Variants in PLCB1 observed in about 807,000 individuals in gnomAD.
PLCB1 encodes 1-phosphatidylinositol 4,5-bisphosphate phosphodiesterase beta-1.
PLCB1 carries 46 observed loss-of-function variants against 161.8 expected under a neutral mutation model. The observed-to-expected ratio is 0.28, with a 90% confidence interval of 0.22 to 0.36. PLCB1 has a LOEUF of 0.36. Among genes scored for constraint, PLCB1 ranks in the 10% least tolerant of loss-of-function variants. PLCB1 has a pLI of 1.00. For missense variants in PLCB1, 1,016 were observed against 1,472.5 expected, an observed-to-expected ratio of 0.69 and a Z score of 5.07; for synonymous variants, 517 against 503.7, an observed-to-expected ratio of 1.03 and a Z score of -0.35.
At chr20:8,541,203 G>A (rs1985300707) in intron 3 of PLCB1, among the ~76,000 whole-genome samples, 1 of 152,158 alleles carries the variant, frequency 6.6e-6, no homozygotes. Context: ...ACCTGGGTTG[G>A]TATTTGGGTT....
chr20:8,301,589 A>C (rs998905823), intron 2 of PLCB1, among the ~76,000 whole-genome samples: 1 of 152,050 alleles, frequency 6.6e-6, no homozygotes, highest in Non-Finnish European at 1.5e-5. Context: ...CACTAGACAC[A>C]TGCAACTCCT....
At chr20:8,626,388 A>G (rs938781802) in intron 3 of PLCB1, among the ~76,000 whole-genome samples, 3 of 152,070 alleles carry the variant, frequency 2.0e-5, no homozygotes, top group Non-Finnish European at 4.4e-5. Context: ...ATTCAAGAGA[A>G]TCCCTGACCC....
At chr20:8,341,955 C>G (rs2122226258) in intron 2 of PLCB1, among the ~76,000 whole-genome samples, 1 of 151,960 alleles carries the variant, frequency 6.6e-6, no homozygotes, top group East Asian at 1.9e-4. Flanking sequence ...TCAGACCCAT[C>G]TATTTTGATG....
intron 2 of PLCB1, among the ~76,000 whole-genome samples, chr20:8,260,765 TTCATG>T (rs1568608861): frequency 6.6e-6 from 1 of 152,102 alleles, no homozygotes; most frequent in Admixed American, 6.6e-5. Flanking sequence ...AGCAGTGTTG[TTCATG>T]TCATCTATAA....
chr20:8,763,676 A>G (rs1340161722), intron 25 of PLCB1, among the ~76,000 whole-genome samples: 1 of 151,848 alleles, frequency 6.6e-6, no homozygotes, highest in Admixed American at 6.6e-5. Context: ...ATGCGCCACC[A>G]CACCTGGCCT....
At chr20:8,470,232 A>G (rs531089615) in intron 3 of PLCB1, among the ~76,000 whole-genome samples, 2 of 152,286 alleles carry the variant, frequency 1.3e-5, no homozygotes, top group South Asian at 4.1e-4. Flanking sequence ...GAACACATTT[A>G]TGTACAAGCT....
intron 10 of PLCB1, among the ~76,000 whole-genome samples, chr20:8,690,221 T>C (rs6056019): frequency 0.66 from 98,307 of 149,764 alleles, 33,360 homozygotes; most frequent in South Asian, 0.78. Context: ...TAGATAAATC[T>C]GTAACCACTC....
At chr20:8,257,794 G>A (rs899185007) in intron 2 of PLCB1, among the ~76,000 whole-genome samples, 4 of 152,046 alleles carry the variant, frequency 2.6e-5, no homozygotes, top group Non-Finnish European at 5.9e-5. Context: ...GTTACATGCT[G>A]TATGCCTCTG....
At chr20:8,477,272 G>T (rs911118248) in intron 3 of PLCB1, among the ~76,000 whole-genome samples, 1 of 152,220 alleles carries the variant, frequency 6.6e-6, no homozygotes, top group Non-Finnish European at 1.5e-5. Context: ...GGGAGGCAAA[G>T]CTGTAGAGTT....
chr20:8,460,959 G>T (rs993315771), intron 3 of PLCB1, among the ~76,000 whole-genome samples: 1 of 152,176 alleles, frequency 6.6e-6, no homozygotes, highest in African/African-American at 2.4e-5. Flanking sequence ...TGATGGAAAT[G>T]CTTCATATCT....
chr20:8,743,723 A>T (rs1475583155), intron 23 of PLCB1, among the ~76,000 whole-genome samples: 2 of 152,188 alleles, frequency 1.3e-5, no homozygotes, highest in East Asian at 3.8e-4. Context: ...CCCTATCTGA[A>T]TTAATTCTTA....
chr20:8,489,917 C>T (rs1182502154), intron 3 of PLCB1, among the ~76,000 whole-genome samples: 1 of 152,092 alleles, frequency 6.6e-6, no homozygotes, highest in Non-Finnish European at 1.5e-5. Context: ...CTGGGTTAGA[C>T]CTTTGATTTA....
At chr20:8,196,769 T>C (rs2052028994) in intron 2 of PLCB1, among the ~76,000 whole-genome samples, 1 of 152,016 alleles carries the variant, frequency 6.6e-6, no homozygotes, top group Non-Finnish European at 1.5e-5. Flanking sequence ...GCTGCACCCA[T>C]TAACTTTTCA....
rs1244838420 is a variant in PLCB1, at chr20:8,883,933, CTG to C, written c.*2086_*2087del. 6.6e-6 allele frequency: 1 copy of C among 152,406 alleles called. No homozygotes were observed. The highest frequency in any genetic ancestry group is 1.5e-5 in the Non-Finnish European group (1 of 67,960). 9.4% of individuals were successfully genotyped at this position (152,406 alleles called of 1,614,324 possible). On this transcript the variant is annotated 3_prime_UTR_variant, in exon 32 of 32. Transcript: ENST00000338037. ...GCATTTTTATAAACAAAATTACAGA[CTG>C]TCTGAAATTGAAGAAGAATGAACTA...
intron 12 of PLCB1, among the ~76,000 whole-genome samples, chr20:8,710,944 A>G (rs1978976372): frequency 6.6e-6 from 1 of 152,164 alleles, no homozygotes; most frequent in Admixed American, 6.5e-5. Flanking sequence ...ATAATAGCTA[A>G]CCTTTATTAA....
chr20:8,719,877 ACT>A, intron 14 of PLCB1, among the ~76,000 whole-genome samples: 1 of 151,916 alleles, frequency 6.6e-6, no homozygotes, highest in South Asian at 2.1e-4. Context: ...GTAGCCTGAG[ACT>A]CTGATTTATC....
At chr20:8,649,636 G>C (rs1989256807) in intron 7 of PLCB1, 187 bp downstream of exon 7, 1 of 570,468 alleles carries the variant, frequency 1.8e-6, no homozygotes, top group East Asian at 2.8e-5. Context: ...TATAAGAAGA[G>C]AAAAACAGAC....
intron 2 of PLCB1, among the ~76,000 whole-genome samples, chr20:8,158,448 G>T (rs932608814): frequency 2.0e-5 from 3 of 152,042 alleles, no homozygotes; most frequent in African/African-American, 7.3e-5. Context: ...ACAACATACG[G>T]GAAATCAAGC....
chr20:8,263,783 T>A (rs1246274840), intron 2 of PLCB1, among the ~76,000 whole-genome samples: 1 of 152,116 alleles, frequency 6.6e-6, no homozygotes, highest in African/African-American at 2.4e-5. Context: ...AAAAGAACAA[T>A]GGACCTGTAT....
Sources: allele counts gnomAD v4.1 joint callset (sites outside exome capture counted in the v4.1 genomes callset), GRCh38; gene constraint gnomAD v4.1.1; transcripts MANE v1.5; gene names NCBI Gene and HGNC (gene_info 2026-07-23, HGNC 2026-07-21).